NUSAP1: variants seen among roughly 807,000 people sequenced by gnomAD.
NUSAP1 encodes the protein nucleolar and spindle associated protein 1.
NUSAP1 carries 32 observed loss-of-function variants against 52.8 expected under a neutral mutation model. The observed-to-expected ratio is 0.61, with a 90% CI of 0.46 to 0.81. NUSAP1 has a LOEUF of 0.81. Ranked by LOEUF, NUSAP1 falls within the 40% of genes least tolerant of loss-of-function variation. The probability of loss-of-function intolerance (pLI) is 0.00; values close to 1 mark genes in which losing one functional copy is unlikely to be tolerated. For synonymous variants in NUSAP1, 195 were observed against 183.1 expected, an observed-to-expected ratio of 1.06 and a Z score of -0.52; for missense variants, 499 against 522.3, an observed-to-expected ratio of 0.96 and a Z score of 0.43.
intron 4 of NUSAP1, among the ~76,000 whole-genome samples, chr15:41,355,670 T>C (rs1043461859): frequency 1.3e-5 from 2 of 151,754 alleles, no homozygotes; most frequent in South Asian, 4.2e-4. Context: ...TTTTTTTTGT[T>C]TTTGTTTTTG....
intron 4 of NUSAP1, among the ~76,000 whole-genome samples, chr15:41,352,697 T>G (rs1000927903): frequency 9.2e-5 from 14 of 151,914 alleles, no homozygotes; most frequent in African/African-American, 3.4e-4. Context: ...CCTGGGACTA[T>G]AGGCATGCAC....
intron 2 of NUSAP1, among the ~76,000 whole-genome samples, chr15:41,346,543 G>A (rs1387064165): frequency 3.3e-5 from 5 of 151,688 alleles, no homozygotes; most frequent in South Asian, 2.1e-4. Context: ...TTAAAAATAC[G>A]GATGGCTGGG....
At chr15:41,360,307 TTTTG>T (rs199646414) in intron 6 of NUSAP1, among the ~76,000 whole-genome samples, 38 of 148,974 alleles carry the variant, frequency 2.6e-4, no homozygotes, top group South Asian at 1.5e-3. Context: ...CCCGGCTAAT[TTTTG>T]TTTGTTTGTT....
At chr15:41,353,077 T>G (rs1172003176) in intron 4 of NUSAP1, among the ~76,000 whole-genome samples, 3 of 152,188 alleles carry the variant, frequency 2.0e-5, no homozygotes, top group African/African-American at 7.2e-5. Flanking sequence ...GGTTGTTTCT[T>G]TGTGAAGTTA....
chr15:41,371,761 G>GTT, intron 8 of NUSAP1, 77 bp downstream of exon 8: 1 of 1,454,148 alleles, frequency 6.9e-7, no homozygotes. Context: ...AGGTATATCT[G>GTT]TTTTTTTTGT....
At chr15:41,377,845 C>CA (rs1403425581) in intron 10 of NUSAP1, among the ~76,000 whole-genome samples, 14 of 151,166 alleles carry the variant, frequency 9.3e-5, no homozygotes, top group African/African-American at 3.2e-4. Flanking sequence ...ACTAAAAATA[C>CA]AAAAAATTAG....
chr15:41,363,511 A>G (rs1268729308), intron 6 of NUSAP1, among the ~76,000 whole-genome samples: 2 of 151,876 alleles, frequency 1.3e-5, no homozygotes, highest in Non-Finnish European at 2.9e-5. Flanking sequence ...AGTAGCTGGG[A>G]CAATAGTCAT....
chr15:41,355,165 T>C (rs2048919004), intron 4 of NUSAP1, among the ~76,000 whole-genome samples: 1 of 151,318 alleles, frequency 6.6e-6, no homozygotes, highest in South Asian at 2.1e-4. Flanking sequence ...TCTGTATTTT[T>C]ATTTTATGTA....
At chr15:41,359,104 G>A (rs901720704) in intron 6 of NUSAP1, among the ~76,000 whole-genome samples, 1 of 152,066 alleles carries the variant, frequency 6.6e-6, no homozygotes, top group East Asian at 1.9e-4. Flanking sequence ...CCGAATGGAG[G>A]GCAGGAAACA....
intron 7 of NUSAP1, among the ~76,000 whole-genome samples, chr15:41,367,498 C>G (rs894868133): frequency 1.3e-5 from 2 of 152,168 alleles, no homozygotes; most frequent in African/African-American, 4.8e-5. Flanking sequence ...GGCCACTGGC[C>G]CCCAGCAGAG....
At chr15:41,344,858 T>G (rs2048502180) in intron 2 of NUSAP1, among the ~76,000 whole-genome samples, 1 of 151,992 alleles carries the variant, frequency 6.6e-6, no homozygotes, top group South Asian at 2.1e-4. Flanking sequence ...GGAGAATTAT[T>G]TGAACCTGGG....
intron 10 of NUSAP1, 68 bp from the exon 11 acceptor site, chr15:41,380,025 C>A: frequency 8.6e-7 from 1 of 1,163,206 alleles, no homozygotes; most frequent in Non-Finnish European, 1.2e-6. Flanking sequence ...GTTAGTCCAA[C>A]AATAGTTGCT....
At chr15:41,367,208 A>AT (rs2049453787) in intron 7 of NUSAP1, among the ~76,000 whole-genome samples, 1 of 152,154 alleles carries the variant, frequency 6.6e-6, no homozygotes. Flanking sequence ...TGAGCAGGTC[A>AT]GGGGCTTCTC....
chr15:41,361,407 T>A (rs955059503), intron 6 of NUSAP1, among the ~76,000 whole-genome samples: 6 of 151,068 alleles, frequency 4.0e-5, no homozygotes, highest in African/African-American at 1.5e-4. Flanking sequence ...AAAAAAATAA[T>A]AATAATTTAA....
intron 4 of NUSAP1, among the ~76,000 whole-genome samples, chr15:41,355,204 C>T (rs1046021314): frequency 2.0e-5 from 3 of 151,156 alleles, no homozygotes; most frequent in Non-Finnish European, 2.9e-5. Flanking sequence ...GACAGAGTCT[C>T]GCTTTGTTGC....
At chr15:41,346,085 T>C (rs900298321) in intron 2 of NUSAP1, among the ~76,000 whole-genome samples, 1 of 151,676 alleles carries the variant, frequency 6.6e-6, no homozygotes, top group Non-Finnish European at 1.5e-5. Flanking sequence ...GGATTACAGA[T>C]GCACACCACC....
At chr15:41,378,944 GT>G (rs1187469450) in intron 10 of NUSAP1, among the ~76,000 whole-genome samples, 81 of 63,260 alleles carry the variant, frequency 1.3e-3, no homozygotes, top group African/African-American at 2.6e-3. Flanking sequence ...ACTTATCTTG[GT>G]TTTTTTTTTT....
intron 6 of NUSAP1, among the ~76,000 whole-genome samples, chr15:41,360,473 C>T (rs946994317): frequency 3.3e-5 from 5 of 152,100 alleles, no homozygotes; most frequent in South Asian, 2.1e-4. Context: ...CCTGCCACCA[C>T]GCCTGGCTAA....
At chr15:41,333,523 C>G (rs752019428) in intron 1 of NUSAP1, among the ~76,000 whole-genome samples, 1 of 151,934 alleles carries the variant, frequency 6.6e-6, no homozygotes, top group Non-Finnish European at 1.5e-5. Flanking sequence ...AAAAAAAAAT[C>G]GACTTTTAGG....
Sources: gnomAD v4.1 joint callset for allele counts (sites outside exome capture counted in the v4.1 genomes callset) on GRCh38, gnomAD v4.1.1 for gene constraint, MANE v1.5 for transcripts, NCBI Gene and HGNC (gene_info 2026-07-23, HGNC 2026-07-21) for gene names.